Variants in NIPAL1 observed in about 807,000 individuals in gnomAD.
NIPAL1 encodes magnesium transporter NIPA3.
Under a neutral mutation model 37.7 loss-of-function variants are expected in NIPAL1, and 35 were observed. That is an observed-to-expected ratio of 0.93 (90% CI 0.71 to 1.23). The LOEUF is 1.23. Among genes scored for constraint, NIPAL1 ranks in the 50% most tolerant of loss-of-function variants. The pLI is 0.00. For synonymous variants in NIPAL1, 162 were observed against 183.0 expected, an observed-to-expected ratio of 0.89 and a Z score of 0.93; for missense variants, 412 against 473.9, an observed-to-expected ratio of 0.87 and a Z score of 1.21.
At chr4:48,025,020 A>C in intron 1 of NIPAL1, 48 bp from the exon 2 acceptor site, 154 of 1,554,958 alleles carry the variant, frequency 9.9e-5, no homozygotes, top group Non-Finnish European at 1.3e-4. Flanking sequence ...GTAAGCATTA[A>C]TACCTCTCCC....
At chr4:48,025,393 C>CACATCTCA in intron 2 of NIPAL1, 59 bp downstream of exon 2, 1 of 1,476,902 alleles carries the variant, frequency 6.8e-7, no homozygotes, top group Non-Finnish European at 9.3e-7. Context: ...GATGTGAGGC[C>CACATCTCA]ACATCTCAGC....
chr4:48,026,726 T>TAA (rs1428537955), intron 2 of NIPAL1, among the ~76,000 whole-genome samples: 1 of 151,952 alleles, frequency 6.6e-6, no homozygotes, highest in Non-Finnish European at 1.5e-5. Flanking sequence ...TAAAATTTTT[T>TAA]TTTTTTTTTT....
chr4:48,031,708 G>A (rs1311775321), intron 3 of NIPAL1, among the ~76,000 whole-genome samples: 2 of 152,004 alleles, frequency 1.3e-5, no homozygotes, highest in Non-Finnish European at 1.5e-5. Flanking sequence ...ATAATATAAA[G>A]TATCCAAGGA....
At chr4:48,024,175 C>T (rs570622889) in intron 1 of NIPAL1, among the ~76,000 whole-genome samples, 6 of 152,270 alleles carry the variant, frequency 3.9e-5, no homozygotes, top group Non-Finnish European at 8.8e-5. Context: ...GATGGGGTTT[C>T]ACCATGTTGG....
At chr4:48,024,730 C>T (rs6857248) in intron 1 of NIPAL1, among the ~76,000 whole-genome samples, 15,433 of 152,166 alleles carry the variant, frequency 0.1, 965 homozygotes, top group East Asian at 0.25. Flanking sequence ...GAGCACAAGC[C>T]GGTCTGAACA....
In NIPAL1 at chr4:48,038,137, T is replaced by A. The variant is rs1201617045; in HGVS notation, c.*1965T>A. ...GTTCACAATGACAACCTACCTGAGA[T>A]GGCTGCAAGGCCCTAATGTTCCATT... On this transcript the variant is annotated 3_prime_UTR_variant, in exon 6 of 6. Transcript: ENST00000295461. 1.3e-5 allele frequency: 2 copies of A among 152,254 alleles called. No homozygotes were observed. The highest frequency in any genetic ancestry group is 2.9e-5 in the Non-Finnish European group (2 of 68,044). The allele number at this position is 152,254 out of a possible 1,614,324, so 9.4% of individuals were successfully genotyped here.
intron 1 of NIPAL1, among the ~76,000 whole-genome samples, chr4:48,023,038 T>A (rs1443209761): frequency 6.6e-6 from 1 of 152,116 alleles, no homozygotes; most frequent in Non-Finnish European, 1.5e-5. Context: ...TAGTTTTGAC[T>A]TTGAGTTTAT....
rs1715945369 is a variant in NIPAL1, at chr4:48,036,313, A to AT, written c.*148dup. On this transcript the variant is annotated 3_prime_UTR_variant, in exon 6 of 6. Coordinates refer to ENST00000295461, the MANE Select transcript of NIPAL1 (RefSeq NM_207330.3). ...AGATGTGAGGCCAAGTAAAAATGCC[A>AT]TTTTTTTGGCCATTGAATTTGAAAA... is the stretch of plus-strand genomic sequence containing the variant. 8.4e-6 allele frequency: 6 copies of AT among 713,434 alleles called. No individual in the cohort carries two copies. Among genetic ancestry groups the AT allele is most frequent in the Middle Eastern group, 4.1e-4 (1 of 2,450 alleles). The allele number at this position is 713,434 out of a possible 1,614,324, so 44.2% of individuals were successfully genotyped here.
At chr4:48,017,863 C>CATAT (rs5858100) in intron 1 of NIPAL1, among the ~76,000 whole-genome samples, 22 of 151,046 alleles carry the variant, frequency 1.5e-4, no homozygotes, top group African/African-American at 4.4e-4. Flanking sequence ...TTCCCTTACA[C>CATAT]ATATATATAT....
At position 48,037,367 on chromosome 4, in the gene NIPAL1, T is replaced by C. The variant is rs1355031524; in HGVS notation, c.*1195T>C. The C allele has an allele frequency of 1.5e-5, 5 of 325,900 alleles. No individual in the cohort carries two copies. The highest frequency in any genetic ancestry group is 7.1e-5 in the South Asian group (3 of 42,396). 20.2% of individuals were successfully genotyped at this position (325,900 alleles called of 1,614,324 possible). A position where few individuals can be genotyped will look rare whatever the true frequency, so the allele number is the denominator to read the frequency against. On this transcript the variant is annotated 3_prime_UTR_variant, in exon 6 of 6. Coordinates refer to ENST00000295461, the MANE Select transcript of NIPAL1 (RefSeq NM_207330.3). Reference sequence around the variant, plus strand: ...GTGAATTCAGCTTTGGAGTCACTTATGTTCATTTTTTTTCCTTTTCTTTTA... The same window carrying C: ...GTGAATTCAGCTTTGGAGTCACTTACGTTCATTTTTTTTCCTTTTCTTTTA...
chr4:48,024,721 A>T (rs1232953486), intron 1 of NIPAL1, among the ~76,000 whole-genome samples: 1 of 152,158 alleles, frequency 6.6e-6, no homozygotes, highest in African/African-American at 2.4e-5. Flanking sequence ...TGAACTGTTG[A>T]GCACAAGCCG....
At position 48,037,375 on chromosome 4, in the gene NIPAL1, T is replaced by C. The variant is rs1455678366; in HGVS notation, c.*1203T>C. On this transcript the variant is annotated 3_prime_UTR_variant, in exon 6 of 6. Coordinates refer to ENST00000295461, the MANE Select transcript of NIPAL1 (RefSeq NM_207330.3). ...AGCTTTGGAGTCACTTATGTTCATT[T>C]TTTTTCCTTTTCTTTTACTATTATC... is the stretch of plus-strand genomic sequence containing the variant. The C allele has an allele frequency of 9.5e-6, 3 of 316,488 alleles. No individual in the cohort carries two copies. Among genetic ancestry groups the C allele is most frequent in the Admixed American group, 4.6e-5 (1 of 21,870 alleles). 19.6% of individuals were successfully genotyped at this position (316,488 alleles called of 1,614,324 possible).
rs781625437 is a variant in NIPAL1, at chr4:48,037,054, A to C, written c.*882A>C. 1.2e-5 allele frequency: 2 copies of C among 162,168 alleles called. No individual in the cohort carries two copies. The highest frequency in any genetic ancestry group is 2.7e-5 in the Non-Finnish European group (2 of 74,072). The allele number at this position is 162,168 out of a possible 1,614,324, so 10.0% of individuals were successfully genotyped here. On this transcript the variant is annotated 3_prime_UTR_variant, in exon 6 of 6. Transcript: ENST00000295461. ...TCTTAAACTAGATAGCTAATTAGTT[A>C]TTTTAAGAAAAAAGAAATTTAAAAA...
In NIPAL1 at chr4:48,036,411, A is replaced by C; in HGVS notation, c.*239A>C. 2.2e-6 allele frequency: 1 copy of C among 453,688 alleles called. No homozygotes were observed. Among genetic ancestry groups the C allele is most frequent in the Non-Finnish European group, 3.9e-6 (1 of 257,460 alleles). The allele number at this position is 453,688 out of a possible 1,614,324, so 28.1% of individuals were successfully genotyped here. On this transcript the variant is annotated 3_prime_UTR_variant, in exon 6 of 6. Transcript: ENST00000295461. ...TAAGGATCAAAGAAGTCAAAGAGCT[A>C]TGTGTGTCTCAGAATAATCTCCTTC... is the stretch of plus-strand genomic sequence containing the variant.
rs148736350 is a variant in NIPAL1, at chr4:48,036,094, T to C, written c.1155T>C (p.Tyr385=). 1.2e-6 allele frequency: 2 copies of C among 1,610,536 alleles called. No individual in the cohort carries two copies. Among genetic ancestry groups the C allele is most frequent in the Admixed American group, 1.7e-5 (1 of 58,700 alleles). The change falls in exon 6 of 6, where the codon TAT becomes TAC. Residue 385 remains tyrosine (Y), a synonymous_variant. Coordinates refer to ENST00000295461, the MANE Select transcript of NIPAL1 (RefSeq NM_207330.3). ...CTCTGAATGTCAATGAAAACAATTA[T>C]GTTTTACTAGAGAACTTGGAGTGTT... ...AVSLNVNENN[Y]VLLENLECSA...
chr4:48,036,299 C>A lies in NIPAL1; in HGVS notation c.*127C>A. 2 of 858,088 alleles carry A rather than the reference C, an allele frequency of 2.3e-6. No homozygotes were observed. Among genetic ancestry groups the A allele is most frequent in the African/African-American group, 1.8e-5 (1 of 56,536 alleles). The allele number at this position is 858,088 out of a possible 1,614,324, so 53.2% of individuals were successfully genotyped here. ...GTTCTAACTAATTTAGATGTGAGGC[C>A]AAGTAAAAATGCCATTTTTTTGGCC... On this transcript the variant is annotated 3_prime_UTR_variant, in exon 6 of 6. Coordinates refer to ENST00000295461, the MANE Select transcript of NIPAL1 (RefSeq NM_207330.3).
At chr4:48,026,721 T>A (rs1163299738) in intron 2 of NIPAL1, among the ~76,000 whole-genome samples, 4 of 142,034 alleles carry the variant, frequency 2.8e-5, no homozygotes, top group Admixed American at 2.1e-4. Flanking sequence ...AAAAATAAAA[T>A]TTTTTTTTTT....
chr4:48,036,004 T>G lies in NIPAL1; in HGVS notation c.1065T>G (p.His355Gln), dbSNP rs779006176. ...TTATCATTGGCATCTTCCTTCTACA[T>G]GCTTTTAAAAATACTGACATTACTT... Reference protein sequence around the residue: ...FTIIIGIFLLHAFKNTDITWS... With the variant: ...FTIIIGIFLLQAFKNTDITWS... The change falls in exon 6 of 6, where the codon CAT becomes CAG. Residue 355 changes from histidine to glutamine, a missense_variant. Transcript: ENST00000295461. 6.2e-7 allele frequency: 1 copy of G among 1,613,576 alleles called. No homozygotes were observed. Among genetic ancestry groups the G allele is most frequent in the Non-Finnish European group, 8.5e-7 (1 of 1,179,776 alleles).
chr4:48,033,087 T>C lies in NIPAL1; in HGVS notation c.461+4T>C, dbSNP rs767612012. On this transcript the variant is annotated splice_donor_region_variant and intron_variant, in intron 4 of 5. Transcript: ENST00000295461. ...GTGCTTTGAGTGTTCTCATAAGGTA[T>C]GTGAGCAACAGGGAACTTGGCTTCT... is the stretch of plus-strand genomic sequence containing the variant. 6.3e-7 allele frequency: 1 copy of C among 1,595,222 alleles called. No homozygotes were observed. The highest frequency in any genetic ancestry group is 1.1e-5 in the South Asian group (1 of 90,300).
Sources: allele counts gnomAD v4.1 joint callset (sites outside exome capture counted in the v4.1 genomes callset), GRCh38; gene constraint gnomAD v4.1.1; transcripts MANE v1.5; gene names NCBI Gene and HGNC (gene_info 2026-07-23, HGNC 2026-07-21).